TRIM26: variants seen among roughly 807,000 people sequenced by gnomAD.
The protein encoded by TRIM26 is tripartite motif-containing protein 26.
TRIM26 carries 16 observed loss-of-function variants against 45.5 expected under a neutral mutation model. The observed-to-expected ratio is 0.35, with a 90% CI of 0.24 to 0.53. TRIM26 has a LOEUF of 0.53. Among genes scored for constraint, TRIM26 ranks in the 20% least tolerant of loss-of-function variants. The pLI is 0.92. For missense variants in TRIM26, 442 were observed against 691.1 expected (o/e 0.64, Z 4.04); for synonymous variants, 273 against 290.4 (o/e 0.94, Z 0.61).
In TRIM26 at chr6:30,190,303, A is replaced by T. The variant is rs1775694701; in HGVS notation, c.766-268T>A. Reference sequence around the variant, plus strand: ...CCTGCGCAGAGAATTGACGGATAAGAAGTACTGGCCGGATGAAGAGAGGTA... The same window carrying T: ...CCTGCGCAGAGAATTGACGGATAAGTAGTACTGGCCGGATGAAGAGAGGTA... On this transcript the variant is annotated intron_variant, in intron 6 of 9. Coordinates refer to ENST00000454678, the MANE Select transcript of TRIM26 (RefSeq NM_003449.5). This position sits in a 1 kb window ranked among gnomAD's most constrained non-coding sequence, Gnocchi z 4.3. 1.8e-6 allele frequency: 1 copy of T among 569,780 alleles called. No homozygotes were observed. The highest frequency in any genetic ancestry group is 2.1e-5 in the South Asian group (1 of 47,128). The allele number at this position is 569,780 out of a possible 1,614,324, so 35.3% of individuals were successfully genotyped here.
At chr6:30,206,031 C>T (rs1273342034) in intron 1 of TRIM26, among the ~76,000 whole-genome samples, 1 of 152,220 alleles carries the variant, frequency 6.6e-6, no homozygotes, top group East Asian at 1.9e-4. Context: ...GAGCAAAGCA[C>T]CTGTAATCCC....
chr6:30,186,865 G>A lies in TRIM26; in HGVS notation c.938-307C>T. 1.2e-6 allele frequency: 1 copy of A among 821,322 alleles called. No homozygotes were observed. The highest frequency in any genetic ancestry group is 2.1e-5 in the Admixed American group (1 of 48,314). 50.9% of individuals were successfully genotyped at this position (821,322 alleles called of 1,614,324 possible). A position where few individuals can be genotyped will look rare whatever the true frequency, so the allele number is the denominator to read the frequency against. ...AGCTTCCTCTATCTCTGGATCTCTG[G>A]GTCCAACTCATCATTAATATCATCC... On this transcript the variant is annotated intron_variant, in intron 9 of 9. Transcript: ENST00000454678. The surrounding 1 kb of genome is among the most constrained non-coding windows in gnomAD (Gnocchi z 7.4).
At chr6:30,213,039 G>C (rs1197918766) in intron 1 of TRIM26, among the ~76,000 whole-genome samples, 1 of 152,148 alleles carries the variant, frequency 6.6e-6, no homozygotes, top group Non-Finnish European at 1.5e-5. Flanking sequence ...CTTACTTCTG[G>C]TTCCGCAGAC....
At chr6:30,203,713 G>A (rs916152610) in intron 2 of TRIM26, among the ~76,000 whole-genome samples, 7 of 152,130 alleles carry the variant, frequency 4.6e-5, no homozygotes, top group South Asian at 4.1e-4. Flanking sequence ...CACCGCGCCC[G>A]GCTGAGAATA....
chr6:30,204,278 C>G (rs1012797457), intron 2 of TRIM26, among the ~76,000 whole-genome samples: 2 of 152,164 alleles, frequency 1.3e-5, no homozygotes, highest in Non-Finnish European at 2.9e-5. Context: ...CTCTTCCCTA[C>G]CCAGGCACAC....
chr6:30,199,675 CG>C (rs1264060383), intron 3 of TRIM26, among the ~76,000 whole-genome samples: 2 of 143,254 alleles, frequency 1.4e-5, no homozygotes, highest in Non-Finnish European at 3.0e-5. Context: ...CTTACTCTGT[CG>C]CCCAGGCTGG....
chr6:30,188,913 C>A (rs983335230), intron 9 of TRIM26, among the ~76,000 whole-genome samples: 2 of 151,844 alleles, frequency 1.3e-5, no homozygotes, highest in African/African-American at 4.8e-5. Context: ...GGTGGTAGGA[C>A]CTGTGAGGAT....
At chr6:30,193,510 G>C (rs1183575760) in intron 6 of TRIM26, among the ~76,000 whole-genome samples, 1 of 151,738 alleles carries the variant, frequency 6.6e-6, no homozygotes, top group Non-Finnish European at 1.5e-5. Flanking sequence ...ATAGTGTGAG[G>C]CCTCCAGTTT....
chr6:30,186,722 T>G lies in TRIM26; in HGVS notation c.938-164A>C, dbSNP rs140897447. On this transcript the variant is annotated intron_variant, in intron 9 of 9. Coordinates refer to ENST00000454678, the MANE Select transcript of TRIM26 (RefSeq NM_003449.5). This position sits in a 1 kb window ranked among gnomAD's most constrained non-coding sequence, Gnocchi z 7.4. The stretch of plus-strand genomic sequence containing the variant: ...CTTAATTTGGTATAAGTGTGACACA[T>G]TTTCTGGCTTTGTATTCTGCTAAAT... 3 of 1,066,586 alleles carry G rather than the reference T, an allele frequency of 2.8e-6. No individual in the cohort carries two copies. The highest frequency in any genetic ancestry group is 2.6e-6 in the Non-Finnish European group (2 of 755,634). The allele number at this position is 1,066,586 out of a possible 1,614,324, so 66.1% of individuals were successfully genotyped here.
chr6:30,201,363 A>T (rs1000429375), intron 2 of TRIM26, among the ~76,000 whole-genome samples: 1 of 152,242 alleles, frequency 6.6e-6, no homozygotes, highest in African/African-American at 2.4e-5. Context: ...CTACATAAAT[A>T]TAAGAGATTC....
At chr6:30,206,909 G>A (rs982775440) in intron 1 of TRIM26, among the ~76,000 whole-genome samples, 8 of 152,238 alleles carry the variant, frequency 5.3e-5, no homozygotes, top group Non-Finnish European at 1.2e-4. Context: ...CTGGCTGGCA[G>A]CAAGGCCAGC....
intron 2 of TRIM26, 63 bp from the exon 3 acceptor site, chr6:30,201,201 G>A (rs1267922945): frequency 6.6e-6 from 1 of 152,176 alleles, no homozygotes; most frequent in Non-Finnish European, 1.5e-5. Context: ...TCACAACAGA[G>A]TTCAGTGGCC....
At position 30,198,388 on chromosome 6, in the gene TRIM26, G is replaced by A. The variant is rs377364305; in HGVS notation, c.534+41C>T. On this transcript the variant is annotated intron_variant, in intron 5 of 9. Coordinates refer to ENST00000454678, the MANE Select transcript of TRIM26 (RefSeq NM_003449.5). This position sits in a 1 kb window ranked among gnomAD's most constrained non-coding sequence, Gnocchi z 6.3. The stretch of plus-strand genomic sequence containing the variant: ...TGCCCAGGCTCACCCTGCCCTACAC[G>A]GGCGCACCGCCTCAGGGCTTCCTGA... 1.2e-5 allele frequency: 19 copies of A among 1,608,576 alleles called. No homozygotes were observed. The highest frequency in any genetic ancestry group is 6.7e-5 in the East Asian group (3 of 44,866).
rs768554524 is a variant in TRIM26 at position 30,196,452 on chromosome 6, T to C, written c.765+64A>G. ...CCCAAGTCTTCTAAGGTCCTGCAAG[T>C]GAATGGCAGGGCTGGGACCCACCGT... On this transcript the variant is annotated intron_variant, in intron 6 of 9. Coordinates refer to ENST00000454678, the MANE Select transcript of TRIM26 (RefSeq NM_003449.5). The surrounding 1 kb of genome is among the most constrained non-coding windows in gnomAD (Gnocchi z 4.9). 1.3e-6 allele frequency: 2 copies of C among 1,521,236 alleles called. No homozygotes were observed. Among genetic ancestry groups the C allele is most frequent in the African/African-American group, 1.4e-5 (1 of 72,780 alleles). 94.2% of individuals were successfully genotyped at this position (1,521,236 alleles called of 1,614,324 possible).
intron 3 of TRIM26, 23 bp downstream of exon 3, chr6:30,201,009 TCAA>T (rs1362008482): frequency 2.0e-5 from 3 of 152,126 alleles, no homozygotes; most frequent in African/African-American, 4.8e-5. Context: ...GCTACAGAGT[TCAA>T]CAACATCGTC....
chr6:30,208,904 A>ATCTGTGTGTGTGTGTGTGTG (rs71550189), intron 1 of TRIM26, among the ~76,000 whole-genome samples: 1 of 140,730 alleles, frequency 7.1e-6, no homozygotes, highest in African/African-American at 2.6e-5. Context: ...GATATAGAAT[A>ATCTGTGTGTGTGTGTGTGTG]TGTGTGTGTG....
At position 30,199,121 on chromosome 6, in the gene TRIM26, G is replaced by C; in HGVS notation, c.-18C>G. ...GTGGCCATGGTATCCTTAGTTCAGA[G>C]AGGTCTCCGTTCACTGGTGAGGACT... On this transcript the variant is annotated 5_prime_UTR_variant, in exon 4 of 10. Coordinates refer to ENST00000454678, the MANE Select transcript of TRIM26 (RefSeq NM_003449.5). 1 of 1,536,310 alleles carries C rather than the reference G, an allele frequency of 6.5e-7. No individual in the cohort carries two copies. The highest frequency in any genetic ancestry group is 8.8e-7 in the Non-Finnish European group (1 of 1,138,910).
At chr6:30,195,335 G>C (rs150742498) in intron 6 of TRIM26, among the ~76,000 whole-genome samples, 2 of 152,268 alleles carry the variant, frequency 1.3e-5, no homozygotes, top group Admixed American at 6.5e-5. Context: ...AGAAATCTGA[G>C]AGAACAGAAT....
Position 30,206,704 on chromosome 6 carries a change from A to G in TRIM26, c.-375-1939T>C, listed in dbSNP as rs575523378. Among the ~76,000 whole-genome samples the G allele has an allele frequency of 3.3e-5, 5 of 152,346 alleles. 1 individual carries two copies. The South Asian group carries it at 1.0e-3, about 32-fold the overall frequency. On this transcript the variant is annotated intron_variant, in intron 1 of 9. Coordinates refer to ENST00000454678, the MANE Select transcript of TRIM26 (RefSeq NM_003449.5). ...ACTACACATCAGATTTGTAGTCTTC[A>G]AACTGGTGAGTCTTCAAAACATACC...
Sources: allele counts gnomAD v4.1 joint callset (sites outside exome capture counted in the v4.1 genomes callset), GRCh38; gene constraint gnomAD v4.1.1; non-coding constraint Gnocchi (gnomAD v3.1); transcripts MANE v1.5; gene names NCBI Gene and HGNC (gene_info 2026-07-23, HGNC 2026-07-21).